PCDH17: variants seen among roughly 807,000 people sequenced by gnomAD.
PCDH17 encodes the protein protocadherin-17.
A neutral mutation model predicts 67.7 loss-of-function variants in PCDH17; 21 were observed. The observed-to-expected ratio is 0.31, with a 90% CI of 0.22 to 0.45. The LOEUF is 0.45. PCDH17 is among the 20% of genes least tolerant of loss of function. PCDH17 has a pLI of 1.00. For missense variants in PCDH17, 1,471 were observed against 1,564.8 expected (o/e 0.94, Z 1.01); for synonymous variants, 701 against 656.7 (o/e 1.07, Z -1.03).
At chr13:57,669,252 A>C (rs1955292414) in intron 3 of PCDH17, among the ~76,000 whole-genome samples, 1 of 152,182 alleles carries the variant, frequency 6.6e-6, no homozygotes, top group Admixed American at 6.6e-5. Flanking sequence ...AAGTGCTTTG[A>C]ATATGTAAGG....
At chr13:57,690,739 T>C (rs1292615900) in intron 3 of PCDH17, among the ~76,000 whole-genome samples, 6 of 151,520 alleles carry the variant, frequency 4.0e-5, no homozygotes, top group African/African-American at 7.2e-5. Context: ...ATACAATGCA[T>C]AATCCATAAA....
chr13:57,631,858 A>C lies in PCDH17; in HGVS notation c.-689A>C, dbSNP rs188918163. 1 of 152,358 alleles carries C rather than the reference A, an allele frequency of 6.6e-6. No individual in the cohort carries two copies. Among genetic ancestry groups the C allele is most frequent in the Non-Finnish European group, 1.5e-5 (1 of 68,164 alleles). The allele number at this position is 152,358 out of a possible 1,614,324, so 9.4% of individuals were successfully genotyped here. A position where few individuals can be genotyped will look rare whatever the true frequency, so the allele number is the denominator to read the frequency against. On this transcript the variant is annotated 5_prime_UTR_variant, in exon 1 of 4. The change abolishes the stop of an existing upstream ORF in the 5' untranslated region. Coordinates refer to ENST00000377918, the MANE Select transcript of PCDH17 (RefSeq NM_001040429.3). Reference sequence around the variant, plus strand: ...CTGCCTCAGCCAGCAATGCAAGATTAGATCTCTAAATGCAGCAAAACACTG... The same window carrying C: ...CTGCCTCAGCCAGCAATGCAAGATTCGATCTCTAAATGCAGCAAAACACTG...
At chr13:57,711,326 A>G (rs1955774434) in intron 3 of PCDH17, among the ~76,000 whole-genome samples, 1 of 151,880 alleles carries the variant, frequency 6.6e-6, no homozygotes. Flanking sequence ...ACACAGAGCT[A>G]GTGTTGTGAT....
chr13:57,632,492 T>C lies in PCDH17; in HGVS notation c.-55T>C. On this transcript the variant is annotated 5_prime_UTR_variant, in exon 1 of 4. Transcript: ENST00000377918. ...GCCAGGGCCCCAGGCTGGCGCGCAC[T>C]CCCTCTCTGGCTCCTCCAGTCCGAT... 6.5e-7 allele frequency: 1 copy of C among 1,547,136 alleles called. No individual in the cohort carries two copies.
intron 1 of PCDH17, among the ~76,000 whole-genome samples, chr13:57,652,786 G>A (rs1189844033): frequency 6.6e-6 from 1 of 152,066 alleles, no homozygotes; most frequent in African/African-American, 2.4e-5. Context: ...TCAAAGTTTA[G>A]AGTTCTTGCT....
intron 3 of PCDH17, among the ~76,000 whole-genome samples, chr13:57,706,735 G>T (rs1169463661): frequency 6.6e-6 from 1 of 152,094 alleles, no homozygotes; most frequent in African/African-American, 2.4e-5. Context: ...GTTCTCTATA[G>T]ATCCTTCCTC....
chr13:57,636,926 A>G (rs964718545), intron 1 of PCDH17, among the ~76,000 whole-genome samples: 2 of 152,102 alleles, frequency 1.3e-5, no homozygotes, highest in Non-Finnish European at 2.9e-5. Context: ...AGAATTTTCA[A>G]CAAGCCTGAT....
At position 57,724,623 on chromosome 13, in the gene PCDH17, T is replaced by G; in HGVS notation, c.2809T>G (p.Cys937Gly). 5.6e-6 allele frequency: 9 copies of G among 1,609,180 alleles called. No homozygotes were observed. The highest frequency in any genetic ancestry group is 7.7e-6 in the Non-Finnish European group (9 of 1,176,090). The change falls in exon 4 of 4, where the codon TGT becomes GGT. Residue 937 changes from cysteine (C) to glycine (G), a missense_variant. Physicochemically the swap from Cys to Gly is radical, Grantham distance 159. Coordinates refer to ENST00000377918, the MANE Select transcript of PCDH17 (RefSeq NM_001040429.3). Reference sequence around the variant, plus strand: ...CTTTTGTTTTGCAGAACCAGAAGAGTGTGTTAATTGCACAGATGAATGCCG... The same window carrying G: ...CTTTTGTTTTGCAGAACCAGAAGAGGGTGTTAATTGCACAGATGAATGCCG... ...SQPLEQEPEE[C>G]VNCTDECRVL...
chr13:57,721,866 T>A (rs1293617672), intron 3 of PCDH17, among the ~76,000 whole-genome samples: 1 of 152,186 alleles, frequency 6.6e-6, no homozygotes, highest in Non-Finnish European at 1.5e-5. Flanking sequence ...CTTCTTTCTG[T>A]ATTTACCTAT....
chr13:57,674,075 TTC>T (rs1354264038), intron 3 of PCDH17, among the ~76,000 whole-genome samples: 1 of 152,038 alleles, frequency 6.6e-6, no homozygotes, highest in Non-Finnish European at 1.5e-5. Context: ...GATTTTATGA[TTC>T]TCATATTTGT....
intron 3 of PCDH17, among the ~76,000 whole-genome samples, chr13:57,675,751 C>G (rs1955385068): frequency 6.6e-6 from 1 of 151,796 alleles, no homozygotes; most frequent in Non-Finnish European, 1.5e-5. Context: ...TGGCTGGAAG[C>G]CCAGTGATGC....
chr13:57,700,507 C>T (rs1025666040), intron 3 of PCDH17, among the ~76,000 whole-genome samples: 2 of 151,684 alleles, frequency 1.3e-5, no homozygotes, highest in Non-Finnish European at 2.9e-5. Context: ...TTAGTAGAGA[C>T]GGGGTTTCAT....
rs1955917102 is a variant in PCDH17 at position 57,726,458 on chromosome 13, G to A, written c.*1164G>A. The stretch of plus-strand genomic sequence containing the variant: ...GTAAATGGCAAGTGTTGCCTTGGTA[G>A]CTGTCGAACTCTATGAGTTTTGTTT... On this transcript the variant is annotated 3_prime_UTR_variant, in exon 4 of 4. Transcript: ENST00000377918. 1 of 152,648 alleles carries A rather than the reference G, an allele frequency of 6.6e-6. No homozygotes were observed. The highest frequency in any genetic ancestry group is 2.4e-5 in the African/African-American group (1 of 41,466). 9.5% of individuals were successfully genotyped at this position (152,648 alleles called of 1,614,324 possible). A position where few individuals can be genotyped will look rare whatever the true frequency, so the allele number is the denominator to read the frequency against.
At chr13:57,681,207 T>C (rs1955446931) in intron 3 of PCDH17, among the ~76,000 whole-genome samples, 1 of 151,688 alleles carries the variant, frequency 6.6e-6, no homozygotes, top group Non-Finnish European at 1.5e-5. Flanking sequence ...AAACTTCCAC[T>C]CTCATCCCTT....
At chr13:57,661,558 T>A (rs1489909571) in intron 1 of PCDH17, among the ~76,000 whole-genome samples, 1 of 152,184 alleles carries the variant, frequency 6.6e-6, no homozygotes, top group Admixed American at 6.6e-5. Flanking sequence ...TCTGCTAAGT[T>A]TTCTACTGAA....
intron 3 of PCDH17, among the ~76,000 whole-genome samples, chr13:57,674,263 T>A (rs1012111679): frequency 2.6e-5 from 4 of 152,010 alleles, no homozygotes; most frequent in African/African-American, 4.8e-5. Context: ...TCTCAACATA[T>A]CAACATAAAA....
Position 57,726,182 on chromosome 13 carries a change from A to G in PCDH17, c.*888A>G, listed in dbSNP as rs1955915257. The G allele has an allele frequency of 6.6e-6, 1 of 152,638 alleles. No homozygotes were observed. Among genetic ancestry groups the G allele is most frequent in the Admixed American group, 6.5e-5 (1 of 15,282 alleles). The allele number at this position is 152,638 out of a possible 1,614,324, so 9.5% of individuals were successfully genotyped here. A position where few individuals can be genotyped will look rare whatever the true frequency, so the allele number is the denominator to read the frequency against. On this transcript the variant is annotated 3_prime_UTR_variant, in exon 4 of 4. Transcript: ENST00000377918. The stretch of plus-strand genomic sequence containing the variant: ...GATTCAGAGAAAATTAACTTGATTA[A>G]TATGTTTTATTCATTTGTGGACACT...
intron 1 of PCDH17, among the ~76,000 whole-genome samples, chr13:57,640,935 T>C (rs1298591071): frequency 6.6e-6 from 1 of 152,044 alleles, no homozygotes; most frequent in African/African-American, 2.4e-5. Flanking sequence ...TGTATTCCCC[T>C]CAGTGGTACT....
At chr13:57,693,344 A>ATATATATATATC (rs1384014902) in intron 3 of PCDH17, among the ~76,000 whole-genome samples, 3 of 141,044 alleles carry the variant, frequency 2.1e-5, no homozygotes, top group South Asian at 2.2e-4. Context: ...ATATATATAT[A>ATATATATATATC]TCAAGGAGTT....
Sources: allele counts gnomAD v4.1 joint callset (sites outside exome capture counted in the v4.1 genomes callset), GRCh38; gene constraint gnomAD v4.1.1; transcripts MANE v1.5; gene names NCBI Gene and HGNC (gene_info 2026-07-23, HGNC 2026-07-21).